The following CSMD1 variants were observed in gnomAD, a reference collection of about 807,000 sequenced individuals.
CSMD1 encodes the protein CUB and Sushi multiple domains 1, also known as CUB and sushi domain-containing protein 1.
Under a neutral mutation model 417.5 loss-of-function variants are expected in CSMD1, and 213 were observed. The observed-to-expected ratio is 0.51, with a 90% CI of 0.46 to 0.57. The LOEUF (loss-of-function observed/expected upper bound fraction) is 0.57, where lower values mean the gene tolerates loss of function less well. CSMD1 is among the 20% of genes least tolerant of loss of function. The pLI is 0.00. For missense variants in CSMD1, 6,923 were observed against 4,529.7 expected, an observed-to-expected ratio of 1.53 and a Z score of -15.17; for synonymous variants, 2,862 against 1,736.8, an observed-to-expected ratio of 1.65 and a Z score of -16.11.
At chr8:4,924,250 G>T (rs983267581) in intron 1 of CSMD1, among the ~76,000 whole-genome samples, 14 of 152,120 alleles carry the variant, frequency 9.2e-5, no homozygotes, top group Non-Finnish European at 1.3e-4. Flanking sequence ...ATGTGACCAT[G>T]ATAAAGTTGT....
chr8:3,417,639 C>G (rs1813238134), intron 12 of CSMD1, among the ~76,000 whole-genome samples: 1 of 151,710 alleles, frequency 6.6e-6, no homozygotes, highest in Non-Finnish European at 1.5e-5. Flanking sequence ...TCAGTACATG[C>G]TTCCATTTTC....
chr8:4,698,789 T>G (rs945216998), intron 1 of CSMD1, among the ~76,000 whole-genome samples: 1 of 151,638 alleles, frequency 6.6e-6, no homozygotes, highest in Non-Finnish European at 1.5e-5. Flanking sequence ...TAAAAACAAT[T>G]CTTGCTTCTT....
At chr8:3,881,319 A>G (rs947495050) in intron 5 of CSMD1, among the ~76,000 whole-genome samples, 4 of 151,494 alleles carry the variant, frequency 2.6e-5, no homozygotes, top group African/African-American at 9.7e-5. Flanking sequence ...GAAGCAAAGA[A>G]GACTGAATAT....
intron 9 of CSMD1, among the ~76,000 whole-genome samples, chr8:3,578,455 C>A (rs369516747): frequency 6.6e-6 from 1 of 152,112 alleles, no homozygotes; most frequent in Non-Finnish European, 1.5e-5. Context: ...CGGCAGTGCA[C>A]GCAGGCCCTT....
chr8:4,972,942 C>T (rs1162508394), intron 1 of CSMD1, among the ~76,000 whole-genome samples: 3 of 152,096 alleles, frequency 2.0e-5, no homozygotes, highest in Non-Finnish European at 4.4e-5. Flanking sequence ...AGTTAACTCT[C>T]CAGCATAGCC....
chr8:3,078,481 T>C (rs1193863254), intron 49 of CSMD1, among the ~76,000 whole-genome samples: 2 of 152,186 alleles, frequency 1.3e-5, no homozygotes, highest in African/African-American at 2.4e-5. Flanking sequence ...AGAAAGTAAC[T>C]GATATTGACG....
chr8:3,375,598 T>A (rs1810258185), intron 18 of CSMD1, among the ~76,000 whole-genome samples: 2 of 152,152 alleles, frequency 1.3e-5, no homozygotes, highest in South Asian at 2.1e-4. Context: ...TATTTATTTA[T>A]AATAGAAACT....
At chr8:4,456,094 G>A (rs904207591) in intron 2 of CSMD1, among the ~76,000 whole-genome samples, 32 of 142,612 alleles carry the variant, frequency 2.2e-4, no homozygotes, top group African/African-American at 5.7e-4. Context: ...GTGAAAGTAC[G>A]TACTGCACAC....
chr8:4,713,304 A>G (rs533440449), intron 1 of CSMD1, among the ~76,000 whole-genome samples: 2 of 152,238 alleles, frequency 1.3e-5, no homozygotes, highest in Non-Finnish European at 2.9e-5. Context: ...GAAACCTGGG[A>G]TGCTTAAAGA....
At chr8:4,380,873 C>A (rs1001810001) in intron 3 of CSMD1, among the ~76,000 whole-genome samples, 5 of 151,996 alleles carry the variant, frequency 3.3e-5, no homozygotes, top group South Asian at 2.1e-4. Flanking sequence ...TATTACTATA[C>A]TTTTTATATT....
chr8:4,937,891 G>C (rs1402763738), intron 1 of CSMD1, among the ~76,000 whole-genome samples: 2 of 151,896 alleles, frequency 1.3e-5, no homozygotes, highest in Non-Finnish European at 2.9e-5. Flanking sequence ...TTTTCACCTT[G>C]CTTGTTTTTC....
At chr8:4,187,168 A>G (rs997845284) in intron 3 of CSMD1, among the ~76,000 whole-genome samples, 4 of 152,198 alleles carry the variant, frequency 2.6e-5, no homozygotes, top group Non-Finnish European at 4.4e-5. Flanking sequence ...AGTATTAAAA[A>G]TAAGTTGCTT....
chr8:3,973,315 T>C (rs983666572), intron 5 of CSMD1, among the ~76,000 whole-genome samples: 3 of 152,188 alleles, frequency 2.0e-5, no homozygotes, highest in Non-Finnish European at 2.9e-5. Flanking sequence ...TGAATATCAG[T>C]TGAATGTCTG....
At chr8:3,817,088 C>T (rs986847544) in intron 5 of CSMD1, among the ~76,000 whole-genome samples, 4 of 151,742 alleles carry the variant, frequency 2.6e-5, no homozygotes, top group African/African-American at 4.8e-5. Context: ...GAGATGAGGT[C>T]TCTGGGAAAG....
chr8:3,046,826 T>G (rs903070327), intron 50 of CSMD1, among the ~76,000 whole-genome samples: 43 of 152,346 alleles, frequency 2.8e-4, no homozygotes, highest in African/African-American at 1.0e-3. Context: ...ATTTTCTTTG[T>G]ATTAAACCAC....
intron 3 of CSMD1, among the ~76,000 whole-genome samples, chr8:4,211,856 C>T (rs530342122): frequency 6.6e-6 from 1 of 152,172 alleles, no homozygotes; most frequent in Non-Finnish European, 1.5e-5. Flanking sequence ...AAAACACTAA[C>T]TTGCTTTAAT....
chr8:3,284,000 C>G, intron 26 of CSMD1, 144 bp downstream of exon 26: 6 of 747,982 alleles, frequency 8.0e-6, no homozygotes, highest in Admixed American at 6.9e-5. Flanking sequence ...CTCTTCTCTG[C>G]AACATGCATT....
At chr8:4,646,640 A>T (rs1172520609) in intron 1 of CSMD1, among the ~76,000 whole-genome samples, 2 of 152,194 alleles carry the variant, frequency 1.3e-5, no homozygotes. Context: ...AACAATGAAG[A>T]AAGATTTCTG....
At chr8:3,976,494 C>T (rs2554714) in intron 5 of CSMD1, among the ~76,000 whole-genome samples, 4 of 151,920 alleles carry the variant, frequency 2.6e-5, no homozygotes, top group Non-Finnish European at 2.9e-5. Context: ...TAACACATAA[C>T]GCTTAATAAA....
Sources: gnomAD v4.1 joint callset for allele counts (sites outside exome capture counted in the v4.1 genomes callset) on GRCh38, gnomAD v4.1.1 for gene constraint, MANE v1.5 for transcripts, NCBI Gene and HGNC (gene_info 2026-07-23, HGNC 2026-07-21) for gene names.